IFT122: variants seen among roughly 807,000 people sequenced by gnomAD.
IFT122 encodes the protein intraflagellar transport protein 122 homolog.
IFT122 carries 118 observed loss-of-function variants against 161.6 expected under a neutral mutation model. The ratio of observed to expected loss-of-function variants is 0.73; its 90% CI spans 0.63 to 0.85. The LOEUF (loss-of-function observed/expected upper bound fraction) is 0.85. IFT122 is among the 40% of genes least tolerant of loss of function. The pLI is 0.00. For missense variants in IFT122, 1,381 were observed against 1,579.6 expected (o/e 0.87, Z 2.13); for synonymous variants, 550 against 602.4 (o/e 0.91, Z 1.27).
At chr3:129,496,473 T>C (rs1318087896) in intron 18 of IFT122, among the ~76,000 whole-genome samples, 1 of 152,234 alleles carries the variant, frequency 6.6e-6, no homozygotes, top group African/African-American at 2.4e-5. Flanking sequence ...ATGAAGTGAC[T>C]CATCAGCCAT....
intron 3 of IFT122, 147 bp from the exon 4 acceptor site, chr3:129,458,452 A>G (rs530227553): frequency 2.3e-5 from 16 of 699,142 alleles, no homozygotes; most frequent in African/African-American, 2.1e-4. Context: ...TTCTGACTCC[A>G]AGGTCCTGCC....
rs188937042 is a variant in IFT122 at position 129,492,563 on chromosome 3, A to G, written c.2046+369A>G. ...GCTGGTCACCATCCTCTCAGACTCC[A>G]GTAATCTGATAGTGTTGGAGGAGTT... On this transcript the variant is annotated intron_variant, in intron 17 of 29. Transcript: ENST00000348417. 9.9e-5 allele frequency among the ~76,000 whole-genome samples: 15 copies of G among 152,252 alleles called. No homozygotes were observed. In the East Asian group the frequency reaches 2.7e-3, roughly 27 times the overall value.
At chr3:129,470,576 G>C (rs2077265089) in intron 9 of IFT122, among the ~76,000 whole-genome samples, 1 of 148,962 alleles carries the variant, frequency 6.7e-6, no homozygotes, top group Admixed American at 6.7e-5. Flanking sequence ...ATGATTTTTT[G>C]TTTGTTTGTT....
intron 20 of IFT122, among the ~76,000 whole-genome samples, chr3:129,503,181 G>A (rs764301487): frequency 1.1e-4 from 17 of 152,200 alleles, no homozygotes; most frequent in Non-Finnish European, 2.4e-4. Flanking sequence ...AGTGCCTGCT[G>A]TTGGGCTGAG....
At chr3:129,464,819 A>G in intron 7 of IFT122, 38 bp downstream of exon 7, 2 of 1,611,140 alleles carry the variant, frequency 1.2e-6, no homozygotes, top group South Asian at 1.1e-5. Context: ...AACAAACACC[A>G]TCATGAAGAA....
chr3:129,518,226 CCT>C (rs1336527251), intron 27 of IFT122, among the ~76,000 whole-genome samples: 1 of 152,244 alleles, frequency 6.6e-6, no homozygotes, highest in Non-Finnish European at 1.5e-5. Context: ...AGCCAGCTTT[CCT>C]CTCAGCTGTG....
intron 1 of IFT122, among the ~76,000 whole-genome samples, chr3:129,444,635 C>CCTCA (rs2073751443): frequency 6.6e-6 from 1 of 152,088 alleles, no homozygotes; most frequent in Non-Finnish European, 1.5e-5. Flanking sequence ...CATTCTCCTG[C>CCTCA]CTCAGCCTCC....
intron 4 of IFT122, among the ~76,000 whole-genome samples, chr3:129,459,684 TCTTCCTTCCTTCCTTCCTTCCTTC>T (rs546625729): frequency 1.8e-4 from 7 of 39,766 alleles, no homozygotes; most frequent in Admixed American, 6.2e-4. Flanking sequence ...CTCCCTCCCT[TCTTCCTTCCTTCCTTCCTTCCTTC>T]CTTCCTTCCT....
At chr3:129,514,754 G>T in intron 25 of IFT122, 200 bp downstream of exon 25, 1 of 688,706 alleles carries the variant, frequency 1.5e-6, no homozygotes. Context: ...TCCACCTGGC[G>T]CCCGCTCACA....
At chr3:129,497,471 A>G (rs2081012042) in intron 18 of IFT122, among the ~76,000 whole-genome samples, 2 of 152,228 alleles carry the variant, frequency 1.3e-5, no homozygotes, top group Admixed American at 1.3e-4. Flanking sequence ...CAACCTGTAG[A>G]AAGATTAGGA....
chr3:129,499,825 G>T (rs1470558091), intron 18 of IFT122, 77 bp from the exon 19 acceptor site: 14 of 1,577,860 alleles, frequency 8.9e-6, no homozygotes, highest in Non-Finnish European at 1.2e-5. Context: ...GCCCGCCCTT[G>T]CTGCTAGAAA....
chr3:129,441,353 T>C, intron 1 of IFT122, among the ~76,000 whole-genome samples: 1 of 152,144 alleles, frequency 6.6e-6, no homozygotes, highest in East Asian at 1.9e-4. Flanking sequence ...TGGAGACGGG[T>C]CCTCTCTTTT....
At chr3:129,503,814 C>T (rs1234023829) in intron 20 of IFT122, among the ~76,000 whole-genome samples, 1 of 152,160 alleles carries the variant, frequency 6.6e-6, no homozygotes, top group Non-Finnish European at 1.5e-5. Context: ...GTGCATCAGG[C>T]AGACTTTCTC....
At chr3:129,450,001 A>C (rs2074561468) in intron 2 of IFT122, 64 bp downstream of exon 2, 1 of 1,036,780 alleles carries the variant, frequency 9.6e-7, no homozygotes, top group Admixed American at 2.0e-5. Flanking sequence ...GAGTACTCTG[A>C]AATTTGACCC....
intron 12 of IFT122, 22 bp from the exon 13 acceptor site, chr3:129,479,763 C>T (rs757181186): frequency 6.2e-7 from 1 of 1,613,774 alleles, no homozygotes; most frequent in Non-Finnish European, 8.5e-7. Flanking sequence ...AATTTCCATG[C>T]AGAGCTGGGT....
intron 18 of IFT122, among the ~76,000 whole-genome samples, chr3:129,498,960 G>A (rs1468639762): frequency 6.6e-6 from 1 of 152,228 alleles, no homozygotes; most frequent in Admixed American, 6.5e-5. Context: ...TTCTGAGGCT[G>A]TTTCTCACAC....
rs1405856871 is a variant in IFT122, at chr3:129,478,086, A to G, written c.1218A>G (p.Pro406=). ...GAAATCGATTGGCTATCCAACTGCC[A>G]GAGAAAATCCTCATCTATGAGTTGT... ...IYRNRLAIQL[P]EKILIYELYS... Residue 406 remains proline (P), a synonymous_variant, in exon 12 of 30, where the codon CCA becomes CCG. Transcript: ENST00000348417. The G allele has an allele frequency of 1.2e-6, 2 of 1,614,188 alleles. No individual in the cohort carries two copies. Among genetic ancestry groups the G allele is most frequent in the East Asian group, 2.2e-5 (1 of 44,890 alleles).
At chr3:129,495,374 A>G (rs2080712442) in intron 17 of IFT122, 72 bp from the exon 18 acceptor site, 1 of 1,585,294 alleles carries the variant, frequency 6.3e-7, no homozygotes, top group African/African-American at 1.3e-5. Flanking sequence ...AAATAGCCAC[A>G]TCTAACCTTT....
chr3:129,502,624 C>A, intron 19 of IFT122, 87 bp from the exon 20 acceptor site: 1 of 1,482,348 alleles, frequency 6.7e-7, no homozygotes, highest in Non-Finnish European at 9.3e-7. Flanking sequence ...ATAGTATCAA[C>A]ACTGGGGACC....
Sources: allele counts gnomAD v4.1 joint callset (sites outside exome capture counted in the v4.1 genomes callset), GRCh38; gene constraint gnomAD v4.1.1; transcripts MANE v1.5; gene names NCBI Gene and HGNC (gene_info 2026-07-23, HGNC 2026-07-21).